The following CACNA1B variants were observed in gnomAD, a reference collection of about 807,000 sequenced individuals.
CACNA1B encodes the protein calcium voltage-gated channel subunit alpha1 B.
CACNA1B carries 70 observed loss-of-function variants against 247.2 expected under a neutral mutation model. That is an observed-to-expected ratio of 0.28 (90% CI 0.23 to 0.35). The LOEUF is 0.35. CACNA1B is among the 10% of genes least tolerant of loss of function. The pLI is 1.00. For missense variants in CACNA1B, 2,367 were observed against 3,197.4 expected, an observed-to-expected ratio of 0.74 and a Z score of 6.26; for synonymous variants, 1,231 against 1,294.4, an observed-to-expected ratio of 0.95 and a Z score of 1.05.
intron 32 of CACNA1B, among the ~76,000 whole-genome samples, chr9:138,070,556 A>T (rs1163872995): frequency 6.6e-6 from 1 of 152,234 alleles, no homozygotes; most frequent in Admixed American, 6.5e-5. Context: ...TGACTGTGGA[A>T]ATTAATATAA....
In CACNA1B at chr9:138,043,915, C is replaced by CT. The variant is rs781687185; in HGVS notation, c.3413+16dup. On this transcript the variant is annotated intron_variant, in intron 21 of 46. Transcript: ENST00000371372. ...CCCACCAACCTGTGAGTCTCCTTGC[C>CT]TGCTGGTGTGTGTGGCCGCCCACTC... 6.2e-7 allele frequency: 1 copy of CT among 1,610,798 alleles called. No individual in the cohort carries two copies. Among genetic ancestry groups the CT allele is most frequent in the African/African-American group, 1.3e-5 (1 of 74,884 alleles).
intron 17 of CACNA1B, 102 bp from the exon 18 acceptor site, chr9:138,013,026 AT>A: frequency 4.8e-6 from 4 of 833,202 alleles, no homozygotes; most frequent in Admixed American, 2.2e-5. Flanking sequence ...AGCACTGTGT[AT>A]TTTTTGAGGC....
In CACNA1B at chr9:137,913,704, T is replaced by C. The variant is rs1957382012; in HGVS notation, c.622+433T>C. On this transcript the variant is annotated intron_variant, in intron 4 of 46. Coordinates refer to ENST00000371372, the MANE Select transcript of CACNA1B (RefSeq NM_000718.4). This position sits in a 1 kb window ranked among gnomAD's most constrained non-coding sequence, Gnocchi z 5.2. ...GGGGACTGAGGCCAGCCTTAAGACA[T>C]GCTCCTGAAGTGGGCTGCCCACAGA... Among the ~76,000 whole-genome samples the C allele has an allele frequency of 3.3e-5, 5 of 152,322 alleles. No homozygotes were observed. The highest frequency in any genetic ancestry group is 3.3e-4 in the Admixed American group (5 of 15,308).
At chr9:137,929,182 C>G (rs1359563770) in intron 6 of CACNA1B, among the ~76,000 whole-genome samples, 1 of 152,166 alleles carries the variant, frequency 6.6e-6, no homozygotes, top group East Asian at 1.9e-4. Context: ...GTGGCAGTAC[C>G]ATTTTATATT....
Position 138,121,019 on chromosome 9 carries a change from C to T in CACNA1B, c.6489+138C>T. ...CCAGCAACCCAAGGGCCGGGCGCTC[C>T]CCTCTGTGCCCTGTCCCGGAGCCCA... On this transcript the variant is annotated intron_variant, in intron 46 of 46. Transcript: ENST00000371372. This position sits in a 1 kb window ranked among gnomAD's most constrained non-coding sequence, Gnocchi z 6.8. 1.0e-6 allele frequency: 1 copy of T among 974,854 alleles called. No individual in the cohort carries two copies. The highest frequency in any genetic ancestry group is 1.5e-6 in the Non-Finnish European group (1 of 673,654). The allele number at this position is 974,854 out of a possible 1,614,324, so 60.4% of individuals were successfully genotyped here.
In CACNA1B at chr9:138,057,715, C is replaced by T; in HGVS notation, c.3969-17C>T. ...CTTTTGTCTTTGCCCTCTAACCTCC[C>T]ATGTTCTCATTCCTAGGGGTCAGTA... On this transcript the variant is annotated splice_polypyrimidine_tract_variant and intron_variant, in intron 26 of 46. Transcript: ENST00000371372. The surrounding 1 kb of genome is among the most constrained non-coding windows in gnomAD (Gnocchi z 4.0). 6.3e-7 allele frequency: 1 copy of T among 1,598,396 alleles called. No individual in the cohort carries two copies. Among genetic ancestry groups the T allele is most frequent in the Non-Finnish European group, 8.6e-7 (1 of 1,167,602 alleles).
At chr9:138,096,878 G>A (rs1278139185) in intron 37 of CACNA1B, among the ~76,000 whole-genome samples, 1 of 150,270 alleles carries the variant, frequency 6.7e-6, no homozygotes, top group Non-Finnish European at 1.5e-5. Flanking sequence ...AGTTCCTTGG[G>A]AGGTACCAGG....
At position 138,102,275 on chromosome 9, in the gene CACNA1B, C is replaced by G. The variant is rs1427053013; in HGVS notation, c.5223-436C>G. Among the ~76,000 whole-genome samples the G allele has an allele frequency of 1.3e-5, 2 of 152,216 alleles. No homozygotes were observed. The highest frequency in any genetic ancestry group is 3.2e-3 in the Middle Eastern group (1 of 316). ...CTCTGCCGTGGTTCTCAGCCACTGC[C>G]TCATCTGCCACCTGACCCCGCCTGC... On this transcript the variant is annotated intron_variant, in intron 37 of 46. Coordinates refer to ENST00000371372, the MANE Select transcript of CACNA1B (RefSeq NM_000718.4). The surrounding 1 kb of genome is among the most constrained non-coding windows in gnomAD (Gnocchi z 5.4).
chr9:137,955,611 C>A lies in CACNA1B; in HGVS notation c.1071-87C>A. The A allele has an allele frequency of 4.5e-6, 4 of 889,930 alleles. No homozygotes were observed. The highest frequency in any genetic ancestry group is 1.6e-5 in the South Asian group (1 of 62,968). 55.1% of individuals were successfully genotyped at this position (889,930 alleles called of 1,614,324 possible). On this transcript the variant is annotated intron_variant, in intron 7 of 46. Transcript: ENST00000371372. The surrounding 1 kb of genome is among the most constrained non-coding windows in gnomAD (Gnocchi z 6.9). ...TGCAGCCTGCGTCTCCTGTCCCAGG[C>A]TTTCCCTGGTCCTTTTTGTCTCTGG...
At chr9:138,078,026 C>A in intron 35 of CACNA1B, 88 bp from the exon 36 acceptor site, 1 of 1,238,522 alleles carries the variant, frequency 8.1e-7, no homozygotes. Context: ...GGAAGGAGCC[C>A]AAAGGAGTGG....
intron 3 of CACNA1B, among the ~76,000 whole-genome samples, chr9:137,897,293 T>C (rs1957183672): frequency 6.6e-6 from 1 of 152,156 alleles, no homozygotes; most frequent in Non-Finnish European, 1.5e-5. Flanking sequence ...TAAATTTGCT[T>C]CTTAGGTTGG....
At chr9:138,027,704 A>C (rs1253893000) in intron 20 of CACNA1B, among the ~76,000 whole-genome samples, 4 of 152,172 alleles carry the variant, frequency 2.6e-5, no homozygotes, top group African/African-American at 9.7e-5. Flanking sequence ...CATAGAGATC[A>C]TATATTTTTT....
rs1341395211 is a variant in CACNA1B, at chr9:137,990,742, CACCTGAAAG to C, written c.1974+3896_1974+3904del. ...CCACCAGAGCAGGTGCTGGTATCCGCACCTGAAAGACCTGAAGATGGATCACATCACAGG... is the reference window on the plus strand; with the variant it reads ...CCACCAGAGCAGGTGCTGGTATCCGCACCTGAAGATGGATCACATCACAGG... On this transcript the variant is annotated intron_variant, in intron 15 of 46. Transcript: ENST00000371372. This position sits in a 1 kb window ranked among gnomAD's most constrained non-coding sequence, Gnocchi z 4.5. Among the ~76,000 whole-genome samples, 1 of 152,204 alleles carries C rather than the reference CACCTGAAAG, an allele frequency of 6.6e-6. No homozygotes were observed. The highest frequency in any genetic ancestry group is 2.4e-5 in the African/African-American group (1 of 41,446).
intron 3 of CACNA1B, among the ~76,000 whole-genome samples, chr9:137,905,659 T>G (rs1002700724): frequency 6.6e-6 from 1 of 152,228 alleles, no homozygotes; most frequent in Non-Finnish European, 1.5e-5. Context: ...TCAGTTCCAT[T>G]GTATATTTTA....
At chr9:137,997,856 G>A (rs535190106) in intron 15 of CACNA1B, among the ~76,000 whole-genome samples, 4 of 152,278 alleles carry the variant, frequency 2.6e-5, no homozygotes, top group African/African-American at 9.6e-5. Context: ...AGCATTATTT[G>A]TAATAACAAA....
At chr9:137,956,159 C>T (rs1249591855) in intron 8 of CACNA1B, among the ~76,000 whole-genome samples, 1 of 152,238 alleles carries the variant, frequency 6.6e-6, no homozygotes. Context: ...ACTCTTTCCT[C>T]CACATGGGGC....
intron 15 of CACNA1B, among the ~76,000 whole-genome samples, chr9:138,005,560 A>G (rs1958636608): frequency 6.6e-6 from 1 of 151,902 alleles, no homozygotes; most frequent in African/African-American, 2.4e-5. Context: ...TAGGGTGACT[A>G]TAACTAACAA....
chr9:137,932,357 T>G (rs1295126420), intron 6 of CACNA1B, among the ~76,000 whole-genome samples: 1 of 152,238 alleles, frequency 6.6e-6, no homozygotes, highest in Non-Finnish European at 1.5e-5. Context: ...ACATTAATTT[T>G]GGGAGCTAAA....
At chr9:138,042,323 G>A (rs192727696) in intron 20 of CACNA1B, among the ~76,000 whole-genome samples, 127 of 152,312 alleles carry the variant, frequency 8.3e-4, no homozygotes, top group Non-Finnish European at 1.3e-3. Context: ...GTTGGCGTGC[G>A]CCTGTAATCC....
Sources: gnomAD v4.1 joint callset for allele counts (sites outside exome capture counted in the v4.1 genomes callset) on GRCh38, gnomAD v4.1.1 for gene constraint, Gnocchi (gnomAD v3.1) non-coding constraint, MANE v1.5 for transcripts, NCBI Gene and HGNC (gene_info 2026-07-23, HGNC 2026-07-21) for gene names.